NXPE1: variants seen among roughly 807,000 people sequenced by gnomAD.
NXPE1 encodes the protein NXPE family member 1.
A neutral mutation model predicts 33.3 loss-of-function variants in NXPE1; 31 were observed. The observed-to-expected ratio is 0.93, with a 90% CI of 0.70 to 1.26. The LOEUF is 1.26. NXPE1 is among the 50% of genes most tolerant of loss of function. The pLI is 0.00. For synonymous variants in NXPE1, 229 were observed against 231.4 expected (o/e 0.99, Z 0.09); for missense variants, 661 against 655.6 (o/e 1.01, Z -0.09).
At chr11:114,549,099 A>G (rs1316072588) in intron 5 of NXPE1, among the ~76,000 whole-genome samples, 2 of 151,996 alleles carry the variant, frequency 1.3e-5, no homozygotes, top group African/African-American at 2.4e-5. Context: ...CCTGAGTGAC[A>G]TTAAAAAAAT....
At chr11:114,531,833 A>T (rs1410179508) in intron 5 of NXPE1, among the ~76,000 whole-genome samples, 1 of 152,146 alleles carries the variant, frequency 6.6e-6, no homozygotes, top group East Asian at 1.9e-4. Flanking sequence ...GAGGTCACTT[A>T]TGCTTTTGGC....
intron 6 of NXPE1, 77 bp from the exon 7 acceptor site, chr11:114,527,978 G>A (rs1947432520): frequency 4.6e-6 from 5 of 1,096,986 alleles, no homozygotes; most frequent in Non-Finnish European, 6.6e-6. Flanking sequence ...GCTTGTGAGT[G>A]AAGGAAAATT....
At chr11:114,532,752 T>A (rs1288969824) in intron 5 of NXPE1, among the ~76,000 whole-genome samples, 1 of 152,156 alleles carries the variant, frequency 6.6e-6, no homozygotes, top group Non-Finnish European at 1.5e-5. Flanking sequence ...TAAAAGTATA[T>A]AGGTAGATTA....
downstream of NXPE1, among the ~76,000 whole-genome samples, chr11:114,520,765 T>G (rs575622257): frequency 2.0e-5 from 3 of 152,290 alleles, no homozygotes; most frequent in East Asian, 5.8e-4. Context: ...TATTACCATC[T>G]CCTCATTTTT....
intron 1 of NXPE1, among the ~76,000 whole-genome samples, chr11:114,558,108 A>C (rs58893752): frequency 1.9e-3 from 289 of 152,218 alleles, no homozygotes; most frequent in African/African-American, 6.8e-3. Context: ...AGTTGCTCTC[A>C]AAAGGAGACT....
exon 9 of NXPE1, chr11:114,522,289 G>A (rs759960274): frequency 6.2e-7 from 1 of 1,614,082 alleles, no homozygotes; most frequent in Non-Finnish European, 8.5e-7. Flanking sequence ...ATGGTCTAAA[G>A]TGCTGGCCAA....
Position 114,554,408 on chromosome 11 carries a change from A to C in NXPE1, c.-210-1528T>G, listed in dbSNP as rs994490486. On this transcript the variant is annotated intron_variant, in intron 1 of 8. Transcript: ENST00000534921. ...AGAGGTGATGACAATATTCCAGAAC[A>C]GGGGGTTCTTAAACATTCTTTGTGA... The C allele has an allele frequency of 5.1e-6, 5 of 984,712 alleles. No homozygotes were observed. In the African/African-American group the frequency reaches 8.7e-5, roughly 17 times the overall value. 61.0% of individuals were successfully genotyped at this position (984,712 alleles called of 1,614,324 possible).
chr11:114,522,841 A>C, intron 8 of NXPE1, 38 bp downstream of exon 8: 1 of 1,470,764 alleles, frequency 6.8e-7, no homozygotes, highest in Non-Finnish European at 9.5e-7. Context: ...CTTTAAAACC[A>C]GCCTGAATTT....
chr11:114,534,989 CA>C (rs1277825347), intron 5 of NXPE1, among the ~76,000 whole-genome samples: 1 of 152,058 alleles, frequency 6.6e-6, no homozygotes, highest in Non-Finnish European at 1.5e-5. Flanking sequence ...TCAAATTCAC[CA>C]AAGTTTAAAT....
At chr11:114,557,875 G>A (rs1365733838) in intron 1 of NXPE1, among the ~76,000 whole-genome samples, 1 of 151,316 alleles carries the variant, frequency 6.6e-6, no homozygotes, top group Non-Finnish European at 1.5e-5. Flanking sequence ...TTTCTTTTGC[G>A]GGCTATACAA....
intron 5 of NXPE1, among the ~76,000 whole-genome samples, chr11:114,540,849 T>G (rs1271623194): frequency 1.8e-5 from 1 of 54,908 alleles, no homozygotes; most frequent in Non-Finnish European, 3.0e-5. Context: ...TTTTTTTTTT[T>G]TTTTTTTTTT....
At chr11:114,546,675 T>C (rs1266094728) in intron 5 of NXPE1, among the ~76,000 whole-genome samples, 1 of 152,034 alleles carries the variant, frequency 6.6e-6, no homozygotes, top group Non-Finnish European at 1.5e-5. Flanking sequence ...AGAGCCAGTG[T>C]CTAGATCTTT....
chr11:114,525,568 T>TC (rs964241154), intron 7 of NXPE1, among the ~76,000 whole-genome samples: 4 of 151,884 alleles, frequency 2.6e-5, no homozygotes, highest in Non-Finnish European at 2.9e-5. Flanking sequence ...GCTTCCCCCT[T>TC]CCCCCCTTAC....
chr11:114,548,049 C>A (rs1948340857), intron 5 of NXPE1, among the ~76,000 whole-genome samples: 2 of 151,860 alleles, frequency 1.3e-5, no homozygotes, highest in South Asian at 4.1e-4. Context: ...GAAAGGAAAT[C>A]TTGGTATCTG....
At chr11:114,530,555 A>T in exon 6 of NXPE1, 1 of 1,613,992 alleles carries the variant, frequency 6.2e-7, no homozygotes, top group East Asian at 2.2e-5. Context: ...TTCCTGAAGC[A>T]CCTGCCGTCA....
exon 9 of NXPE1, chr11:114,522,450 G>C: frequency 6.2e-7 from 1 of 1,612,602 alleles, no homozygotes; most frequent in Non-Finnish European, 8.5e-7. Context: ...TCTGCATCCA[G>C]AAGCAAATGT....
At chr11:114,529,108 CT>C in intron 6 of NXPE1, 1 of 309,472 alleles carries the variant, frequency 3.2e-6, no homozygotes, top group Non-Finnish European at 5.9e-6. Flanking sequence ...GGAAAAAAGA[CT>C]CTAAACTTGA....
At chr11:114,555,910 A>T (rs1180397508) in intron 1 of NXPE1, among the ~76,000 whole-genome samples, 1 of 152,120 alleles carries the variant, frequency 6.6e-6, no homozygotes, top group Non-Finnish European at 1.5e-5. Flanking sequence ...TCCTCATTTG[A>T]TAAATATTTG....
chr11:114,554,959 G>C (rs1187573344), intron 1 of NXPE1, among the ~76,000 whole-genome samples: 1 of 151,978 alleles, frequency 6.6e-6, no homozygotes, highest in Non-Finnish European at 1.5e-5. Flanking sequence ...TGACCTCAAG[G>C]TGCACACCCT....
Sources: allele counts gnomAD v4.1 joint callset (sites outside exome capture counted in the v4.1 genomes callset), GRCh38; gene constraint gnomAD v4.1.1; transcripts MANE v1.5; gene names NCBI Gene and HGNC (gene_info 2026-07-23, HGNC 2026-07-21).